PALLD: variants seen among roughly 807,000 people sequenced by gnomAD.
PALLD encodes the protein palladin, cytoskeletal associated protein.
A neutral mutation model predicts 123.5 loss-of-function variants in PALLD; 61 were observed. The observed-to-expected ratio is 0.49, with a 90% CI of 0.40 to 0.61. The LOEUF (loss-of-function observed/expected upper bound fraction) is 0.61, where lower values mean the gene tolerates loss of function less well. Among genes scored for constraint, PALLD ranks in the 20% least tolerant of loss-of-function variants. The probability of loss-of-function intolerance (pLI) is 0.00; values close to 1 mark genes in which losing one functional copy is unlikely to be tolerated. For synonymous variants in PALLD, 465 were observed against 496.4 expected, an observed-to-expected ratio of 0.94 and a Z score of 0.84; for missense variants, 1,273 against 1,377.0, an observed-to-expected ratio of 0.92 and a Z score of 1.20.
intron 2 of PALLD, among the ~76,000 whole-genome samples, chr4:168,564,742 T>A (rs1249570421): frequency 6.6e-6 from 1 of 152,190 alleles, no homozygotes; most frequent in Non-Finnish European, 1.5e-5. Flanking sequence ...AGGACATTAA[T>A]GTAATTATTC....
At chr4:168,861,971 T>C (rs1749550467) in intron 10 of PALLD, among the ~76,000 whole-genome samples, 1 of 152,082 alleles carries the variant, frequency 6.6e-6, no homozygotes, top group Non-Finnish European at 1.5e-5. Context: ...AAGACTGATA[T>C]TAGTTAACTT....
At chr4:168,541,090 GA>G (rs1157218703) in intron 2 of PALLD, among the ~76,000 whole-genome samples, 2 of 152,192 alleles carry the variant, frequency 1.3e-5, no homozygotes, top group African/African-American at 4.8e-5. Context: ...ATACTTAAAA[GA>G]AAACAATGGA....
rs369016159 is a variant in PALLD, at chr4:168,622,059, G to A, written c.909-46131G>A. On this transcript the variant is annotated intron_variant, in intron 2 of 21. Coordinates refer to ENST00000505667, the MANE Select transcript of PALLD (RefSeq NM_001166108.2). ...TAAAAAATTCTTCCAGTCACTCCTC[G>A]CACCAGAGACCTGAAGAAGATTCTG... Among the ~76,000 whole-genome samples the A allele has an allele frequency of 2.6e-5, 4 of 152,188 alleles. No individual in the cohort carries two copies. The East Asian group carries it at 7.7e-4, about 29-fold the overall frequency.
intron 10 of PALLD, among the ~76,000 whole-genome samples, chr4:168,840,630 C>G (rs1295530566): frequency 6.6e-6 from 1 of 152,192 alleles, no homozygotes; most frequent in East Asian, 1.9e-4. Flanking sequence ...ACAACGTAGT[C>G]TGACAGCTCA....
At chr4:168,750,441 C>A (rs1730907799) in intron 10 of PALLD, among the ~76,000 whole-genome samples, 1 of 152,128 alleles carries the variant, frequency 6.6e-6, no homozygotes, top group African/African-American at 2.4e-5. Flanking sequence ...TGGTTAAAAA[C>A]AAGTCACAGG....
At chr4:168,768,472 C>G (rs1190599824) in intron 10 of PALLD, among the ~76,000 whole-genome samples, 1 of 152,128 alleles carries the variant, frequency 6.6e-6, no homozygotes, top group East Asian at 1.9e-4. Flanking sequence ...AAGATATGTT[C>G]TATTTAGTAG....
At chr4:168,801,106 A>G (rs1331896643) in intron 10 of PALLD, among the ~76,000 whole-genome samples, 1 of 152,204 alleles carries the variant, frequency 6.6e-6, no homozygotes, top group Admixed American at 6.5e-5. Context: ...TAAAGTTAGA[A>G]AGAAAATCAA....
intron 10 of PALLD, among the ~76,000 whole-genome samples, chr4:168,870,575 CAAAT>C (rs1750944012): frequency 6.6e-6 from 1 of 152,170 alleles, no homozygotes; most frequent in African/African-American, 2.4e-5. Context: ...TGCACACACA[CAAAT>C]AAGTACCATA....
chr4:168,587,106 C>A lies in PALLD; in HGVS notation c.908+74694C>A, dbSNP rs144690850. ...AACATCCCACAGTGCCCTGGACACC[C>A]CCCGACGACAAAGAATTCTCCAGCC... is the stretch of plus-strand genomic sequence containing the variant. On this transcript the variant is annotated intron_variant, in intron 2 of 21. Transcript: ENST00000505667. Among the ~76,000 whole-genome samples, 227 of 152,226 alleles carry A rather than the reference C, an allele frequency of 1.5e-3. 2 individuals are homozygous for A. The highest frequency in any genetic ancestry group is 5.2e-3 in the African/African-American group (217 of 41,536).
intron 10 of PALLD, among the ~76,000 whole-genome samples, chr4:168,820,241 C>CT (rs1742528485): frequency 6.6e-6 from 1 of 152,244 alleles, no homozygotes; most frequent in African/African-American, 2.4e-5. Context: ...GTGCCAAATG[C>CT]TTTCCAAAGT....
At chr4:168,905,213 C>T (rs1437119048) in intron 15 of PALLD, among the ~76,000 whole-genome samples, 13 of 132,234 alleles carry the variant, frequency 9.8e-5, no homozygotes, top group African/African-American at 3.6e-4. Flanking sequence ...TGCAGTGGCG[C>T]GATCTCGGCT....
At chr4:168,580,953 G>A (rs1264400127) in intron 2 of PALLD, among the ~76,000 whole-genome samples, 2 of 151,632 alleles carry the variant, frequency 1.3e-5, no homozygotes, top group Non-Finnish European at 2.9e-5. Flanking sequence ...GAAAACAATG[G>A]AAACTGGGGC....
intron 10 of PALLD, among the ~76,000 whole-genome samples, chr4:168,730,136 C>G (rs1435921467): frequency 6.6e-6 from 1 of 152,140 alleles, no homozygotes; most frequent in Non-Finnish European, 1.5e-5. Flanking sequence ...CCTGTTCTCT[C>G]TTTGTGAAAC....
chr4:168,549,008 A>C (rs1243468336), intron 2 of PALLD, among the ~76,000 whole-genome samples: 1 of 152,056 alleles, frequency 6.6e-6, no homozygotes, highest in Non-Finnish European at 1.5e-5. Flanking sequence ...GTGACAGAGC[A>C]AGACCCTATC....
At chr4:168,824,659 TA>T (rs564097427) in intron 10 of PALLD, among the ~76,000 whole-genome samples, 10 of 149,892 alleles carry the variant, frequency 6.7e-5, no homozygotes, top group African/African-American at 1.7e-4. Flanking sequence ...AAATCTTGGG[TA>T]AAAAAAAAAT....
At chr4:168,804,624 A>G (rs1305085749) in intron 10 of PALLD, among the ~76,000 whole-genome samples, 1 of 152,140 alleles carries the variant, frequency 6.6e-6, no homozygotes, top group Non-Finnish European at 1.5e-5. Context: ...AGTTGCAAAG[A>G]CCTATTTTCA....
At chr4:168,759,683 G>GA (rs35537144) in intron 10 of PALLD, among the ~76,000 whole-genome samples, 50,145 of 151,838 alleles carry the variant, frequency 0.33, 8,873 homozygotes, top group East Asian at 0.56. Flanking sequence ...GGTTCATTAG[G>GA]AAAAAGTGAC....
chr4:168,847,539 G>A lies in PALLD; in HGVS notation c.1965-43383G>A, dbSNP rs142080071. Among the ~76,000 whole-genome samples the A allele has an allele frequency of 4.5e-4, 69 of 152,312 alleles. 1 individual carries two copies. Among genetic ancestry groups the A allele is most frequent in the Middle Eastern group, 3.4e-3 (1 of 294 alleles). ...AAGTATTTATATTTGTATAGTAAAG[G>A]TTCTGGAAAGATAGCACCAAGATTT... On this transcript the variant is annotated intron_variant, in intron 10 of 21. Coordinates refer to ENST00000505667, the MANE Select transcript of PALLD (RefSeq NM_001166108.2).
chr4:168,916,824 C>T (rs1760221207), intron 17 of PALLD, among the ~76,000 whole-genome samples: 1 of 151,554 alleles, frequency 6.6e-6, no homozygotes, highest in African/African-American at 2.4e-5. Context: ...GCATGTGCCA[C>T]CAGGCCCAGC....
Sources: gnomAD v4.1 joint callset for allele counts (sites outside exome capture counted in the v4.1 genomes callset) on GRCh38, gnomAD v4.1.1 for gene constraint, MANE v1.5 for transcripts, NCBI Gene and HGNC (gene_info 2026-07-23, HGNC 2026-07-21) for gene names.